Variants in ZSCAN20 observed in about 807,000 individuals in gnomAD.
ZSCAN20 encodes the protein zinc finger and SCAN domain-containing protein 20.
ZSCAN20 carries 39 observed loss-of-function variants against 97.1 expected under a neutral mutation model. That is an observed-to-expected ratio of 0.40 (90% CI 0.31 to 0.52). The LOEUF is 0.52. Ranked by LOEUF, ZSCAN20 falls within the 20% of genes least tolerant of loss-of-function variation. ZSCAN20 has a pLI of 0.49. For synonymous variants in ZSCAN20, 456 were observed against 467.3 expected (o/e 0.98, Z 0.31); for missense variants, 1,115 against 1,290.4 (o/e 0.86, Z 2.08).
chr1:33,491,741 C>A lies in ZSCAN20; in HGVS notation c.1444+39C>A, dbSNP rs185273276. The A allele has an allele frequency of 1.3e-6, 2 of 1,524,294 alleles. No homozygotes were observed. Among genetic ancestry groups the A allele is most frequent in the East Asian group, 4.5e-5 (2 of 44,156 alleles). 94.4% of individuals were successfully genotyped at this position (1,524,294 alleles called of 1,614,324 possible). ...GGTTTAGTCAGATTCAGATTTCCAACCCTCCTACCAGCTAGACTGCTATTC... is the reference window on the plus strand; with the variant it reads ...GGTTTAGTCAGATTCAGATTTCCAAACCTCCTACCAGCTAGACTGCTATTC... On this transcript the variant is annotated intron_variant, in intron 6 of 7. Coordinates refer to ENST00000684572, the MANE Select transcript of ZSCAN20 (RefSeq NM_001377376.1). The surrounding 1 kb of genome is among the most constrained non-coding windows in gnomAD (Gnocchi z 4.3).
chr1:33,473,724 A>G (rs941619950), intron 1 of ZSCAN20, among the ~76,000 whole-genome samples: 6 of 151,990 alleles, frequency 3.9e-5, no homozygotes, highest in Admixed American at 1.3e-4. Context: ...AAATTAAGTC[A>G]CCCCCAACCC....
rs560619840 is a variant in ZSCAN20 at position 33,493,633 on chromosome 1, G to A, written c.1873+18G>A. On this transcript the variant is annotated intron_variant, in intron 7 of 7. Coordinates refer to ENST00000684572, the MANE Select transcript of ZSCAN20 (RefSeq NM_001377376.1). This position sits in a 1 kb window ranked among gnomAD's most constrained non-coding sequence, Gnocchi z 4.3. ...AGACATGGGTAAGCCTGGAGTAATT[G>A]GATGTTCTCAAAATCTGTGGGCATG... 1 of 1,528,474 alleles carries A rather than the reference G, an allele frequency of 6.5e-7. No homozygotes were observed. The highest frequency in any genetic ancestry group is 1.3e-5 in the South Asian group (1 of 76,868). 94.7% of individuals were successfully genotyped at this position (1,528,474 alleles called of 1,614,324 possible). A position where few individuals can be genotyped will look rare whatever the true frequency, so the allele number is the denominator to read the frequency against.
In ZSCAN20 at chr1:33,500,902, T is replaced by A. The variant is rs1653046947; in HGVS notation, c.*5426T>A. Among the ~76,000 whole-genome samples the A allele has an allele frequency of 6.6e-6, 1 of 151,958 alleles. No individual in the cohort carries two copies. Among genetic ancestry groups the A allele is most frequent in the Admixed American group, 6.6e-5 (1 of 15,264 alleles). On this transcript the variant is annotated 3_prime_UTR_variant, in exon 8 of 8. Transcript: ENST00000684572. Reference sequence around the variant, plus strand: ...TGGGGCTCAGGGAGCCCTAACTTGGTGGCAGGTGACAAATGTGGCACAAAG... The same window carrying A: ...TGGGGCTCAGGGAGCCCTAACTTGGAGGCAGGTGACAAATGTGGCACAAAG...
intron 1 of ZSCAN20, among the ~76,000 whole-genome samples, chr1:33,475,947 C>T (rs1392532311): frequency 3.9e-5 from 6 of 151,934 alleles, no homozygotes; most frequent in Admixed American, 6.6e-5. Flanking sequence ...GGATTACAGG[C>T]GTGAGCCACC....
At position 33,491,763 on chromosome 1, in the gene ZSCAN20, A is replaced by G. The variant is rs1652626961; in HGVS notation, c.1444+61A>G. ...CAACCCTCCTACCAGCTAGACTGCT[A>G]TTCCCTGAGGTCAGGGCACAGGCTG... On this transcript the variant is annotated intron_variant, in intron 6 of 7. Transcript: ENST00000684572. The surrounding 1 kb of genome is among the most constrained non-coding windows in gnomAD (Gnocchi z 4.3). 6.7e-7 allele frequency: 1 copy of G among 1,495,908 alleles called. No individual in the cohort carries two copies. The highest frequency in any genetic ancestry group is 9.0e-7 in the Non-Finnish European group (1 of 1,115,710). The allele number at this position is 1,495,908 out of a possible 1,614,324, so 92.7% of individuals were successfully genotyped here.
intron 1 of ZSCAN20, among the ~76,000 whole-genome samples, chr1:33,477,839 G>T (rs1269415212): frequency 6.6e-6 from 1 of 151,678 alleles, no homozygotes; most frequent in Non-Finnish European, 1.5e-5. Flanking sequence ...GCATGATCTG[G>T]GCTATGGTAG....
Position 33,494,671 on chromosome 1 carries a change from G to A in ZSCAN20, c.2327G>A (p.Ser776Asn), listed in dbSNP as rs749010323. Residue 776 changes from serine (S) to asparagine (N), a missense_variant, in exon 8 of 8, where the codon AGT becomes AAT. Coordinates refer to ENST00000684572, the MANE Select transcript of ZSCAN20 (RefSeq NM_001377376.1). ...TGCCTTGAATGTGGGAAAAGCTTTA[G>A]TGACCATTCTAATCTCATCACTCAC... ...YKCLECGKSF[S>N]DHSNLITHQR... 6.2e-7 allele frequency: 1 copy of A among 1,614,132 alleles called. No individual in the cohort carries two copies. Among genetic ancestry groups the A allele is most frequent in the Admixed American group, 1.7e-5 (1 of 60,006 alleles).
In ZSCAN20 at chr1:33,499,820, C is replaced by T. The variant is rs60264647; in HGVS notation, c.*4344C>T. Among the ~76,000 whole-genome samples, 1,910 of 152,112 alleles carry T rather than the reference C, an allele frequency of 0.013. 39 individuals carry two copies. Among genetic ancestry groups the T allele is most frequent in the African/African-American group, 0.043 (1,784 of 41,472 alleles). On this transcript the variant is annotated 3_prime_UTR_variant, in exon 8 of 8. Transcript: ENST00000684572. ...TTGTGTTGCCCAGGCTGGTCTTGAACTCCTGGCCTCAAGCGATCCTCCCAC... is the reference window on the plus strand; with the variant it reads ...TTGTGTTGCCCAGGCTGGTCTTGAATTCCTGGCCTCAAGCGATCCTCCCAC...
rs2148488366 is a variant in ZSCAN20, at chr1:33,499,787, T to TG, written c.*4316dup. Among the ~76,000 whole-genome samples, 1 of 152,028 alleles carries TG rather than the reference T, an allele frequency of 6.6e-6. No homozygotes were observed. Among genetic ancestry groups the TG allele is most frequent in the Admixed American group, 6.5e-5 (1 of 15,272 alleles). The stretch of plus-strand genomic sequence containing the variant: ...TACCCCATTTTTTTTGGGGGGGAGA[T>TG]GGGGGTCTTGTGTTGCCCAGGCTGG... On this transcript the variant is annotated 3_prime_UTR_variant, in exon 8 of 8. Coordinates refer to ENST00000684572, the MANE Select transcript of ZSCAN20 (RefSeq NM_001377376.1).
rs545718283 is a variant in ZSCAN20 at position 33,493,621 on chromosome 1, C to G, written c.1873+6C>G. 6.5e-7 allele frequency: 1 copy of G among 1,544,846 alleles called. No homozygotes were observed. Among genetic ancestry groups the G allele is most frequent in the South Asian group, 1.3e-5 (1 of 79,926 alleles). On this transcript the variant is annotated splice_donor_region_variant and intron_variant, in intron 7 of 7. Transcript: ENST00000684572. This position sits in a 1 kb window ranked among gnomAD's most constrained non-coding sequence, Gnocchi z 4.3. The stretch of plus-strand genomic sequence containing the variant: ...TCCTAAAGCCCCAGACATGGGTAAG[C>G]CTGGAGTAATTGGATGTTCTCAAAA...
At position 33,491,779 on chromosome 1, in the gene ZSCAN20, G is replaced by A; in HGVS notation, c.1444+77G>A. 1 of 1,436,278 alleles carries A rather than the reference G, an allele frequency of 7.0e-7. No individual in the cohort carries two copies. The highest frequency in any genetic ancestry group is 9.4e-7 in the Non-Finnish European group (1 of 1,068,520). 89.0% of individuals were successfully genotyped at this position (1,436,278 alleles called of 1,614,324 possible). On this transcript the variant is annotated intron_variant, in intron 6 of 7. Transcript: ENST00000684572. The surrounding 1 kb of genome is among the most constrained non-coding windows in gnomAD (Gnocchi z 4.3). ...TAGACTGCTATTCCCTGAGGTCAGGGCACAGGCTGCAAGTCTGGATTGAAG... is the reference window on the plus strand; with the variant it reads ...TAGACTGCTATTCCCTGAGGTCAGGACACAGGCTGCAAGTCTGGATTGAAG...
Position 33,499,384 on chromosome 1 carries a change from G to T in ZSCAN20, c.*3908G>T, listed in dbSNP as rs12046307. Among the ~76,000 whole-genome samples the T allele has an allele frequency of 6.6e-6, 1 of 151,700 alleles. No individual in the cohort carries two copies. The highest frequency in any genetic ancestry group is 2.4e-5 in the African/African-American group (1 of 41,266). ...CCTTTCTTTCTCTCTTTTCTTCTGT[G>T]TAGATGCTAATGACTTCCAGATCTG... On this transcript the variant is annotated 3_prime_UTR_variant, in exon 8 of 8. Transcript: ENST00000684572.
chr1:33,490,848 C>T (rs1213994087), intron 5 of ZSCAN20, among the ~76,000 whole-genome samples, 177 bp from the exon 6 acceptor site: 1 of 152,168 alleles, frequency 6.6e-6, no homozygotes, highest in African/African-American at 2.4e-5. Context: ...TAACATTTCT[C>T]ATATATTGGT....
intron 2 of ZSCAN20, among the ~76,000 whole-genome samples, chr1:33,484,357 G>A (rs1652272395): frequency 6.6e-6 from 1 of 152,156 alleles, no homozygotes; most frequent in Non-Finnish European, 1.5e-5. Context: ...AGTTGAGGAA[G>A]TTCCCCTCTA....
At position 33,500,993 on chromosome 1, in the gene ZSCAN20, A is replaced by G. The variant is rs1033725940; in HGVS notation, c.*5517A>G. Reference sequence around the variant, plus strand: ...TTCAGTGCTTTGGGGGGATTCGTGGACCACAGAGAAGCTTCCGCATATTTA... The same window carrying G: ...TTCAGTGCTTTGGGGGGATTCGTGGGCCACAGAGAAGCTTCCGCATATTTA... On this transcript the variant is annotated 3_prime_UTR_variant, in exon 8 of 8. Transcript: ENST00000684572. Among the ~76,000 whole-genome samples, 2 of 152,126 alleles carry G rather than the reference A, an allele frequency of 1.3e-5. No homozygotes were observed. Among genetic ancestry groups the G allele is most frequent in the African/African-American group, 4.8e-5 (2 of 41,446 alleles).
intron 1 of ZSCAN20, among the ~76,000 whole-genome samples, chr1:33,474,124 T>C (rs928597472): frequency 6.6e-6 from 1 of 152,200 alleles, no homozygotes; most frequent in African/African-American, 2.4e-5. Context: ...CCTTCCTGTG[T>C]CCCTGGCAGT....
intron 7 of ZSCAN20, 142 bp from the exon 8 acceptor site, chr1:33,494,076 C>T: frequency 1.3e-6 from 1 of 771,256 alleles, no homozygotes; most frequent in Non-Finnish European, 2.0e-6. Context: ...TTGTTAGTCA[C>T]ATTTATAAGA....
chr1:33,474,654 G>T (rs1254051092), intron 1 of ZSCAN20, among the ~76,000 whole-genome samples: 1 of 152,230 alleles, frequency 6.6e-6, no homozygotes, highest in Admixed American at 6.5e-5. Flanking sequence ...AGCCCATGCT[G>T]AATGAAGTCC....
chr1:33,478,197 T>G (rs1322780996), intron 1 of ZSCAN20, among the ~76,000 whole-genome samples: 1 of 152,026 alleles, frequency 6.6e-6, no homozygotes. Context: ...AGTTTGGTTG[T>G]TGTGCAAACA....
Sources: allele counts gnomAD v4.1 joint callset (sites outside exome capture counted in the v4.1 genomes callset), GRCh38; gene constraint gnomAD v4.1.1; non-coding constraint Gnocchi (gnomAD v3.1); transcripts MANE v1.5; gene names NCBI Gene and HGNC (gene_info 2026-07-23, HGNC 2026-07-21).